The following PRICKLE1 variants were observed in gnomAD, a reference collection of about 807,000 sequenced individuals.
PRICKLE1 encodes the protein prickle-like protein 1.
In PRICKLE1, 14 loss-of-function variants were observed where a neutral mutation model predicts 70.2. The ratio of observed to expected loss-of-function variants is 0.20; its 90% CI spans 0.13 to 0.31. The LOEUF (loss-of-function observed/expected upper bound fraction) is 0.31, where lower values mean the gene tolerates loss of function less well. PRICKLE1 is among the 10% of genes least tolerant of loss of function. The pLI is 1.00. For synonymous variants in PRICKLE1, 357 were observed against 379.9 expected (o/e 0.94, Z 0.70); for missense variants, 821 against 1,026.2 (o/e 0.80, Z 2.73).
In PRICKLE1 at chr12:42,458,154, T is replaced by C. The variant is rs1033254961; in HGVS notation, c.*1655A>G. 7.2e-5 allele frequency: 11 copies of C among 152,132 alleles called. No individual in the cohort carries two copies. The highest frequency in any genetic ancestry group is 3.3e-4 in the Admixed American group (5 of 15,276). 9.4% of individuals were successfully genotyped at this position (152,132 alleles called of 1,614,324 possible). A position where few individuals can be genotyped will look rare whatever the true frequency, so the allele number is the denominator to read the frequency against. ...GTCTGTCCTCCCTAAGGCCAAATTT[T>C]CCCCACTCCAGTCTATATGGAAAAA... is the stretch of plus-strand genomic sequence containing the variant. On this transcript the variant is annotated 3_prime_UTR_variant, in exon 8 of 8. Coordinates refer to ENST00000345127, the MANE Select transcript of PRICKLE1 (RefSeq NM_153026.3).
chr12:42,566,725 A>G (rs1200703510), intron 1 of PRICKLE1, among the ~76,000 whole-genome samples: 1 of 152,146 alleles, frequency 6.6e-6, no homozygotes, highest in African/African-American at 2.4e-5. Flanking sequence ...TCCATTCATC[A>G]AACATTTTGT....
intron 1 of PRICKLE1, among the ~76,000 whole-genome samples, chr12:42,559,584 G>A (rs922747750): frequency 1.5e-5 from 2 of 133,906 alleles, no homozygotes; most frequent in Non-Finnish European, 3.1e-5. Flanking sequence ...ATATGTGTGT[G>A]TTTATGTGTG....
intron 1 of PRICKLE1, among the ~76,000 whole-genome samples, chr12:42,554,411 C>CA (rs1229017079): frequency 2.0e-5 from 3 of 152,160 alleles, no homozygotes; most frequent in Non-Finnish European, 4.4e-5. Context: ...AAGCCGTATA[C>CA]AAATGACCAA....
chr12:42,582,873 G>C (rs1173288452), intron 1 of PRICKLE1, among the ~76,000 whole-genome samples: 1 of 151,972 alleles, frequency 6.6e-6, no homozygotes, highest in Non-Finnish European at 1.5e-5. Context: ...TTCATGTGTG[G>C]CCCAAGACAA....
At chr12:42,525,363 G>T (rs1225936924) in intron 1 of PRICKLE1, among the ~76,000 whole-genome samples, 1 of 152,186 alleles carries the variant, frequency 6.6e-6, no homozygotes, top group Non-Finnish European at 1.5e-5. Flanking sequence ...CTGCGAGCCA[G>T]TACTAACAAA....
chr12:42,551,924 T>C (rs1312826308), intron 1 of PRICKLE1, among the ~76,000 whole-genome samples: 1 of 152,204 alleles, frequency 6.6e-6, no homozygotes, highest in African/African-American at 2.4e-5. Context: ...TATATTTCTA[T>C]GATGTTTAAA....
chr12:42,533,759 AAAAC>A (rs1057418617), intron 1 of PRICKLE1, among the ~76,000 whole-genome samples: 40 of 152,348 alleles, frequency 2.6e-4, no homozygotes, highest in African/African-American at 9.6e-4. Flanking sequence ...TCTGAAAAGT[AAAAC>A]AAAACAGAAA....
intron 1 of PRICKLE1, among the ~76,000 whole-genome samples, chr12:42,507,005 C>T (rs990979349): frequency 6.6e-6 from 1 of 152,276 alleles, no homozygotes; most frequent in Non-Finnish European, 1.5e-5. Context: ...ATTTCATCAT[C>T]TAATATCTAA....
chr12:42,559,628 T>A (rs1053430163), intron 1 of PRICKLE1, among the ~76,000 whole-genome samples: 15 of 93,968 alleles, frequency 1.6e-4, no homozygotes, highest in African/African-American at 5.5e-4. Context: ...ATATATATTT[T>A]TTTTTTTTGG....
rs776819993 is a variant in PRICKLE1 at position 42,459,945 on chromosome 12, C to T, written c.2360G>A (p.Arg787Gln). The T allele has an allele frequency of 1.6e-5, 26 of 1,613,836 alleles. No homozygotes were observed. The South Asian group carries it at 2.1e-4, about 13-fold the overall frequency. The change falls in exon 8 of 8, where the codon CGG (arginine) becomes CAG (glutamine). Residue 787 changes from arginine to glutamine, a missense_variant. Coordinates refer to ENST00000345127, the MANE Select transcript of PRICKLE1 (RefSeq NM_153026.3). ...TGTATAGTAGGCAAATCTCTGTGGC[C>T]GGGGTTGAGGGATTGGTTGTCCAAG... is the stretch of plus-strand genomic sequence containing the variant. ...YFLGQPIPQP[R>Q]PQRFAYYTDD... is the part of the protein sequence containing the mutation.
chr12:42,521,837 T>A lies in PRICKLE1; in HGVS notation c.-48-49273A>T, dbSNP rs989171612. Among the ~76,000 whole-genome samples, 7 of 152,190 alleles carry A rather than the reference T, an allele frequency of 4.6e-5. No individual in the cohort carries two copies. The South Asian group carries it at 1.4e-3, about 31-fold the overall frequency. On this transcript the variant is annotated intron_variant, in intron 1 of 7. Transcript: ENST00000345127. Reference sequence around the variant, plus strand: ...AGAACATGTCTACATAAAGCAATAGTGAAGAGTGAAACCACTCCTCTTAGA... The same window carrying A: ...AGAACATGTCTACATAAAGCAATAGAGAAGAGTGAAACCACTCCTCTTAGA...
rs955109457 is a variant in PRICKLE1 at position 42,460,196 on chromosome 12, C to G, written c.2109G>C (p.Leu703=). Residue 703 remains leucine (L), a synonymous_variant, in exon 8 of 8, where the codon CTG becomes CTC. Transcript: ENST00000345127. ...ATTTCTCATAGTTATCGGGGGTGTA[C>G]AGCCGCAGTCTGTCCTTGGGAGAGT... is the stretch of plus-strand genomic sequence containing the variant. ...RKYSPKDRLR[L]YTPDNYEKFI... 1 of 1,614,084 alleles carries G rather than the reference C, an allele frequency of 6.2e-7. No individual in the cohort carries two copies. The highest frequency in any genetic ancestry group is 8.5e-7 in the Non-Finnish European group (1 of 1,180,032).
intron 1 of PRICKLE1, among the ~76,000 whole-genome samples, chr12:42,474,795 G>GC (rs749089867): frequency 3.9e-5 from 6 of 152,212 alleles, no homozygotes; most frequent in Non-Finnish European, 7.4e-5. Context: ...ATGAACATCT[G>GC]CCCCCTGCTA....
At chr12:42,498,010 A>G (rs902841541) in intron 1 of PRICKLE1, among the ~76,000 whole-genome samples, 2 of 151,964 alleles carry the variant, frequency 1.3e-5, no homozygotes, top group Non-Finnish European at 2.9e-5. Flanking sequence ...ATTATTATTT[A>G]TTTATTTATT....
intron 1 of PRICKLE1, among the ~76,000 whole-genome samples, chr12:42,555,314 A>G (rs1324762418): frequency 2.0e-5 from 3 of 152,176 alleles, no homozygotes; most frequent in African/African-American, 7.2e-5. Context: ...CAAAAACAAA[A>G]CAAAGCAAAA....
intron 1 of PRICKLE1, among the ~76,000 whole-genome samples, chr12:42,533,617 C>T (rs1326342001): frequency 3.3e-5 from 5 of 152,044 alleles, no homozygotes; most frequent in South Asian, 4.2e-4. Flanking sequence ...TGCCAAAGTG[C>T]TTGGGGGAAT....
At chr12:42,490,099 A>G (rs1016886202) in intron 1 of PRICKLE1, 1 of 152,244 alleles carries the variant, frequency 6.6e-6, no homozygotes, top group African/African-American at 2.4e-5. Flanking sequence ...TTTCAGAACT[A>G]CAGAACAAAC....
intron 1 of PRICKLE1, among the ~76,000 whole-genome samples, chr12:42,507,483 C>T (rs1939440703): frequency 6.6e-6 from 1 of 152,220 alleles, no homozygotes; most frequent in African/African-American, 2.4e-5. Context: ...TCCATCTGTT[C>T]ACAATTGTAT....
At chr12:42,574,488 G>A (rs548779104) in intron 1 of PRICKLE1, among the ~76,000 whole-genome samples, 2 of 152,160 alleles carry the variant, frequency 1.3e-5, no homozygotes, top group African/African-American at 4.8e-5. Context: ...CTTGTAAAGC[G>A]CTTTGAAATT....
Sources: allele counts gnomAD v4.1 joint callset (sites outside exome capture counted in the v4.1 genomes callset), GRCh38; gene constraint gnomAD v4.1.1; transcripts MANE v1.5; gene names NCBI Gene and HGNC (gene_info 2026-07-23, HGNC 2026-07-21).